The following LRRC4B variants were observed in gnomAD, a reference collection of about 807,000 sequenced individuals.
The protein encoded by LRRC4B is leucine rich repeat containing 4B, also known as leucine-rich repeat-containing protein 4B.
In LRRC4B, 1 loss-of-function variant was observed where a neutral mutation model predicts 7.3. The ratio of observed to expected loss-of-function variants is 0.14; its 90% CI spans 0.05 to 0.65. The LOEUF is 0.65. LRRC4B is among the 30% of genes least tolerant of loss of function. The pLI, the probability that LRRC4B is intolerant of heterozygous loss-of-function variation, is 0.84. For missense variants in LRRC4B, 730 were observed against 1,041.6 expected (o/e 0.70, Z 4.12); for synonymous variants, 500 against 499.2 (o/e 1.00, Z -0.02).
At chr19:50,546,864 G>A (rs933964664) in intron 2 of LRRC4B, among the ~76,000 whole-genome samples, 21 of 152,154 alleles carry the variant, frequency 1.4e-4, no homozygotes, top group Non-Finnish European at 2.5e-4. Flanking sequence ...TCTGCAAAGC[G>A]CGTTTCCCTG....
chr19:50,525,371 C>G (rs1007618178), intron 2 of LRRC4B, among the ~76,000 whole-genome samples: 1 of 151,392 alleles, frequency 6.6e-6, no homozygotes, highest in African/African-American at 2.4e-5. Context: ...CCTGAGCCGT[C>G]CACTGAAAGG....
intron 2 of LRRC4B, among the ~76,000 whole-genome samples, chr19:50,547,397 C>T (rs1568730517): frequency 6.6e-6 from 1 of 152,070 alleles, no homozygotes; most frequent in African/African-American, 2.4e-5. Context: ...AGTCCTCCCA[C>T]CCTTTCCCAG....
intron 1 of LRRC4B, among the ~76,000 whole-genome samples, chr19:50,560,998 G>A (rs1221450308): frequency 1.3e-5 from 2 of 152,148 alleles, no homozygotes; most frequent in African/African-American, 4.8e-5. Context: ...GGTTGAGACA[G>A]GAGAATCGCT....
At position 50,563,163 on chromosome 19, in the gene LRRC4B, G is replaced by A. The variant is rs1982524842; in HGVS notation, c.-36+4781C>T. On this transcript the variant is annotated intron_variant, in intron 1 of 2. Transcript: ENST00000652263. This position sits in a 1 kb window ranked among gnomAD's most constrained non-coding sequence, Gnocchi z 4.9. ...TGGGCTCCCGCCTGCCTCCCGCAGTGAGCCCCCATCAGCCCCTCTCGTGGG... is the reference window on the plus strand; with the variant it reads ...TGGGCTCCCGCCTGCCTCCCGCAGTAAGCCCCCATCAGCCCCTCTCGTGGG... 6.6e-6 allele frequency among the ~76,000 whole-genome samples: 1 copy of A among 152,110 alleles called. No individual in the cohort carries two copies. Among genetic ancestry groups the A allele is most frequent in the African/African-American group, 2.4e-5 (1 of 41,430 alleles).
intron 2 of LRRC4B, among the ~76,000 whole-genome samples, chr19:50,532,537 G>C (rs1463789328): frequency 6.6e-6 from 1 of 152,170 alleles, no homozygotes; most frequent in Non-Finnish European, 1.5e-5. Context: ...CTTTGCACAG[G>C]CTCTGCCCCT....
intron 2 of LRRC4B, among the ~76,000 whole-genome samples, chr19:50,543,943 G>C (rs916778990): frequency 2.7e-5 from 4 of 150,460 alleles, no homozygotes; most frequent in African/African-American, 9.8e-5. Flanking sequence ...TGGTGGCTTG[G>C]GCCTGTAATC....
intron 2 of LRRC4B, among the ~76,000 whole-genome samples, chr19:50,532,125 A>C (rs1981084675): frequency 6.6e-6 from 1 of 152,170 alleles, no homozygotes; most frequent in Non-Finnish European, 1.5e-5. Flanking sequence ...AGTCCCAGCT[A>C]CTTGGGAGGC....
At chr19:50,545,891 T>C (rs868128518) in intron 2 of LRRC4B, among the ~76,000 whole-genome samples, 2 of 151,818 alleles carry the variant, frequency 1.3e-5, no homozygotes, top group Non-Finnish European at 2.9e-5. Context: ...ACCTGGCTAA[T>C]TTTTGGTTTT....
At chr19:50,524,771 A>G (rs1274617) in intron 2 of LRRC4B, among the ~76,000 whole-genome samples, 20,500 of 152,122 alleles carry the variant, frequency 0.13, 1,909 homozygotes, top group East Asian at 0.42. Context: ...TGTGTTTTAC[A>G]CCCAGGGCGT....
rs556406489 is a variant in LRRC4B, at chr19:50,550,617, A to G, written c.-35-1744T>C. 1.1e-4 allele frequency among the ~76,000 whole-genome samples: 17 copies of G among 152,262 alleles called. No homozygotes were observed. In the South Asian group the frequency reaches 3.5e-3, roughly 32 times the overall value. On this transcript the variant is annotated intron_variant, in intron 1 of 2. Coordinates refer to ENST00000652263, the MANE Select transcript of LRRC4B (RefSeq NM_001080457.2). ...TGCATACGTCTGTGTATCTGAGTGC[A>G]TGTGTGAGAGCGAGGGCTAGACAGA...
At chr19:50,560,852 G>A (rs972725153) in intron 1 of LRRC4B, among the ~76,000 whole-genome samples, 2 of 152,214 alleles carry the variant, frequency 1.3e-5, no homozygotes, top group African/African-American at 4.8e-5. Flanking sequence ...ACTTTGGGAG[G>A]CCGAGACGGG....
At chr19:50,561,883 G>T (rs1289801496) in intron 1 of LRRC4B, among the ~76,000 whole-genome samples, 2 of 152,016 alleles carry the variant, frequency 1.3e-5, no homozygotes, top group Non-Finnish European at 2.9e-5. Flanking sequence ...GTCACTTGAG[G>T]TCAGGAATTT....
chr19:50,531,407 C>G (rs1009015317), intron 2 of LRRC4B, among the ~76,000 whole-genome samples: 6 of 152,292 alleles, frequency 3.9e-5, no homozygotes, highest in Non-Finnish European at 7.3e-5. Context: ...CAGCCTGAGG[C>G]TGCTCGGCGC....
chr19:50,526,225 CT>C (rs1171769808), intron 2 of LRRC4B, among the ~76,000 whole-genome samples: 1 of 151,996 alleles, frequency 6.6e-6, no homozygotes, highest in Non-Finnish European at 1.5e-5. Context: ...CTGGCACCAC[CT>C]TCTCCTTCCT....
intron 2 of LRRC4B, among the ~76,000 whole-genome samples, chr19:50,520,223 A>G (rs1210859312): frequency 8.7e-5 from 6 of 68,768 alleles, no homozygotes; most frequent in African/African-American, 3.9e-4. Context: ...AAAAAAAAAA[A>G]AAAAAAAAAA....
At chr19:50,533,829 A>G (rs1237516543) in intron 2 of LRRC4B, among the ~76,000 whole-genome samples, 1 of 152,200 alleles carries the variant, frequency 6.6e-6, no homozygotes, top group Non-Finnish European at 1.5e-5. Context: ...TTCATAGCTG[A>G]GAAAATGAAG....
Position 50,517,790 on chromosome 19 carries a change from C to T in LRRC4B, c.1923G>A (p.Gly641=), listed in dbSNP as rs1980350008. The T allele has an allele frequency of 6.5e-7, 1 of 1,532,050 alleles. No individual in the cohort carries two copies. The allele number at this position is 1,532,050 out of a possible 1,614,324, so 94.9% of individuals were successfully genotyped here. The change falls in exon 3 of 3, where the codon GGG becomes GGA. Residue 641 remains glycine (G), a synonymous_variant. Coordinates refer to ENST00000652263, the MANE Select transcript of LRRC4B (RefSeq NM_001080457.2). The surrounding 1 kb of genome is among the most constrained non-coding windows in gnomAD (Gnocchi z 6.6). The part of the protein sequence containing the change: ...SVAAAAAVAS[G]GGVGGDSHLA... ...GGTGGCTGTCCCCGCCCACACCACC[C>T]CCACTGGCCACGGCGGCCGCGGCGG... is the stretch of plus-strand genomic sequence containing the variant.
chr19:50,525,085 G>C (rs992617774), intron 2 of LRRC4B, among the ~76,000 whole-genome samples: 4 of 152,162 alleles, frequency 2.6e-5, no homozygotes, highest in Non-Finnish European at 5.9e-5. Context: ...GCCGTTCCCC[G>C]TGGACAGACA....
At chr19:50,567,508 C>T (rs1982668715) in intron 1 of LRRC4B, among the ~76,000 whole-genome samples, 1 of 150,474 alleles carries the variant, frequency 6.6e-6, no homozygotes, top group Non-Finnish European at 1.5e-5. Flanking sequence ...CACTGGCGTG[C>T]CCCCCCCACC....
Sources: allele counts gnomAD v4.1 joint callset (sites outside exome capture counted in the v4.1 genomes callset), GRCh38; gene constraint gnomAD v4.1.1; non-coding constraint Gnocchi (gnomAD v3.1); transcripts MANE v1.5; gene names NCBI Gene and HGNC (gene_info 2026-07-23, HGNC 2026-07-21).